The following CD44 variants were observed in gnomAD, a reference collection of about 807,000 sequenced individuals.
CD44 encodes the protein CD44 antigen.
Under a neutral mutation model 88.8 loss-of-function variants are expected in CD44, and 49 were observed. That is an observed-to-expected ratio of 0.55 (90% CI 0.44 to 0.70). The LOEUF (loss-of-function observed/expected upper bound fraction) is 0.70. CD44 is among the 30% of genes least tolerant of loss of function. The pLI, the probability that CD44 is intolerant of heterozygous loss-of-function variation, is 0.00. For missense variants in CD44, 883 were observed against 913.8 expected, an observed-to-expected ratio of 0.97 and a Z score of 0.43; for synonymous variants, 325 against 312.3, an observed-to-expected ratio of 1.04 and a Z score of -0.43.
At chr11:35,209,112 G>T (rs1948163848) in intron 12 of CD44, among the ~76,000 whole-genome samples, 2 of 152,194 alleles carry the variant, frequency 1.3e-5, no homozygotes, top group South Asian at 4.1e-4. Flanking sequence ...TTTAGTGACT[G>T]TCTTTCTCCT....
chr11:35,176,208 A>T (rs1041549658), intron 1 of CD44, among the ~76,000 whole-genome samples: 67 of 151,950 alleles, frequency 4.4e-4, no homozygotes, highest in African/African-American at 1.5e-3. Flanking sequence ...ACGCCCAGCT[A>T]ATTTTTTATA....
rs191975845 is a variant in CD44, at chr11:35,143,329, C to T, written c.67+3959C>T. Among the ~76,000 whole-genome samples, 13 of 151,258 alleles carry T rather than the reference C, an allele frequency of 8.6e-5. No individual in the cohort carries two copies. The East Asian group carries it at 2.5e-3, about 29-fold the overall frequency. ...CCTGTGTAAAGCAGGGTCCTAAGTC[C>T]TGAGTCTCTAGGAAATACTGCTCAG... is the stretch of plus-strand genomic sequence containing the variant. On this transcript the variant is annotated intron_variant, in intron 1 of 17. Coordinates refer to ENST00000428726, the MANE Select transcript of CD44 (RefSeq NM_000610.4).
At chr11:35,192,573 A>T (rs1946366612) in intron 5 of CD44, among the ~76,000 whole-genome samples, 1 of 152,042 alleles carries the variant, frequency 6.6e-6, no homozygotes, top group Admixed American at 6.6e-5. Flanking sequence ...TTCCTTCCTG[A>T]AGGGCCTGTA....
In CD44 at chr11:35,198,206, A is replaced by G. The variant is rs781407455; in HGVS notation, c.882A>G (p.Gly294=). 6.2e-7 allele frequency: 1 copy of G among 1,614,050 alleles called. No individual in the cohort carries two copies. Among genetic ancestry groups the G allele is most frequent in the Non-Finnish European group, 8.5e-7 (1 of 1,179,886 alleles). Reference sequence around the variant, plus strand: ...GAGACAGACACCTCAGTTTTTCTGGATCAGGCATTGATGATGATGAAGATT... The same window carrying G: ...GAGACAGACACCTCAGTTTTTCTGGGTCAGGCATTGATGATGATGAAGATT... The part of the protein sequence containing the change: ...DERDRHLSFS[G]SGIDDDEDFI... The change falls in exon 7 of 18, where the codon GGA becomes GGG. Residue 294 remains glycine (G), a synonymous_variant. Transcript: ENST00000428726.
chr11:35,229,106 T>C, intron 17 of CD44, 23 bp from the exon 18 acceptor site: 3 of 1,587,984 alleles, frequency 1.9e-6, no homozygotes, highest in South Asian at 1.1e-5. Flanking sequence ...CTTTCTGATA[T>C]GGTACATTTT....
intron 1 of CD44, among the ~76,000 whole-genome samples, chr11:35,156,197 G>A (rs1043807835): frequency 1.3e-5 from 2 of 152,126 alleles, no homozygotes; most frequent in African/African-American, 2.4e-5. Context: ...AAGCTTAAGG[G>A]TCTAGCATCT....
intron 14 of CD44, 86 bp from the exon 15 acceptor site, chr11:35,214,766 C>T (rs1948683888): frequency 1.4e-6 from 1 of 690,184 alleles, no homozygotes; most frequent in Non-Finnish European, 2.3e-6. Flanking sequence ...TTGTGATAGG[C>T]TGTATAAGAA....
At chr11:35,164,827 A>G (rs1943081228) in intron 1 of CD44, among the ~76,000 whole-genome samples, 2 of 152,282 alleles carry the variant, frequency 1.3e-5, no homozygotes, top group South Asian at 4.1e-4. Flanking sequence ...ATTTTTGCAC[A>G]ATATATTTCA....
At chr11:35,164,745 A>G (rs1395670236) in intron 1 of CD44, among the ~76,000 whole-genome samples, 2 of 152,256 alleles carry the variant, frequency 1.3e-5, no homozygotes, top group African/African-American at 4.8e-5. Flanking sequence ...TTTAAGTTGC[A>G]AGATATTTGT....
intron 11 of CD44, among the ~76,000 whole-genome samples, chr11:35,207,286 G>C (rs1407908190): frequency 6.6e-6 from 1 of 152,210 alleles, no homozygotes; most frequent in African/African-American, 2.4e-5. Flanking sequence ...CCAGTATTCT[G>C]GTGCTTCACT....
intron 11 of CD44, among the ~76,000 whole-genome samples, chr11:35,207,651 T>C (rs989297101): frequency 6.6e-6 from 1 of 152,300 alleles, no homozygotes; most frequent in East Asian, 1.9e-4. Flanking sequence ...ATATTCACTT[T>C]GTGAAGAAAA....
intron 17 of CD44, among the ~76,000 whole-genome samples, chr11:35,225,130 G>A (rs1949610810): frequency 8.2e-6 from 1 of 122,516 alleles, no homozygotes; most frequent in Non-Finnish European, 1.9e-5. Context: ...TAGTTCAACT[G>A]AGGAAGTGAA....
At chr11:35,146,322 C>A (rs1859161933) in intron 1 of CD44, among the ~76,000 whole-genome samples, 1 of 152,208 alleles carries the variant, frequency 6.6e-6, no homozygotes, top group Admixed American at 6.5e-5. Context: ...AGATTATTCA[C>A]ATAGACCAGT....
chr11:35,229,190 C>T lies in CD44; in HGVS notation c.2086C>T (p.Pro696Ser). ...SGNGAVEDRK[P>S]SGLNGEASKS... ...CAATGGAGCTGTGGAGGACAGAAAG[C>T]CAAGTGGACTCAACGGAGAGGCCAG... Residue 696 changes from proline to serine, a missense_variant, in exon 18 of 18, where the codon CCA becomes TCA. Pro to Ser is a moderately conservative substitution (Grantham distance 74, BLOSUM62 -1). Coordinates refer to ENST00000428726, the MANE Select transcript of CD44 (RefSeq NM_000610.4). 6.2e-7 allele frequency: 1 copy of T among 1,614,042 alleles called. No homozygotes were observed.
At chr11:35,214,590 T>A in intron 14 of CD44, 1 of 350,826 alleles carries the variant, frequency 2.9e-6, no homozygotes, top group Non-Finnish European at 5.1e-6. Context: ...TCTACAAAAC[T>A]TCCTGTGGTC....
chr11:35,167,873 A>G (rs1943469544), intron 1 of CD44, among the ~76,000 whole-genome samples: 1 of 152,232 alleles, frequency 6.6e-6, no homozygotes, highest in African/African-American at 2.4e-5. Context: ...TAGAGAGAGC[A>G]TTCAGGCTGT....
At chr11:35,155,122 C>T (rs1227540882) in intron 1 of CD44, among the ~76,000 whole-genome samples, 1 of 152,106 alleles carries the variant, frequency 6.6e-6, no homozygotes, top group Non-Finnish European at 1.5e-5. Flanking sequence ...TTGACCTCTC[C>T]TTATTTCTCA....
At chr11:35,188,502 T>A (rs1945924070) in intron 4 of CD44, among the ~76,000 whole-genome samples, 1 of 152,212 alleles carries the variant, frequency 6.6e-6, no homozygotes, top group Admixed American at 6.5e-5. Flanking sequence ...AAATGCCCTG[T>A]TTCTTTGATG....
intron 8 of CD44, 31 bp from the exon 9 acceptor site, chr11:35,201,640 G>A: frequency 6.2e-7 from 1 of 1,612,042 alleles, no homozygotes; most frequent in South Asian, 1.1e-5. Context: ...TTGATAACAA[G>A]TCACAGTGTA....
Sources: allele counts gnomAD v4.1 joint callset (sites outside exome capture counted in the v4.1 genomes callset), GRCh38; gene constraint gnomAD v4.1.1; transcripts MANE v1.5; gene names NCBI Gene and HGNC (gene_info 2026-07-23, HGNC 2026-07-21).